Variants in PAK5 observed in about 807,000 individuals in gnomAD.
The protein encoded by PAK5 is p21 (RAC1) activated kinase 5.
PAK5 carries 16 observed loss-of-function variants against 65.9 expected under a neutral mutation model. The ratio of observed to expected loss-of-function variants is 0.24; its 90% CI spans 0.16 to 0.37. PAK5 has a LOEUF of 0.37. Among genes scored for constraint, PAK5 ranks in the 10% least tolerant of loss-of-function variants. The probability of loss-of-function intolerance (pLI) is 1.00; values close to 1 mark genes in which losing one functional copy is unlikely to be tolerated. For synonymous variants in PAK5, 371 were observed against 354.9 expected, an observed-to-expected ratio of 1.05 and a Z score of -0.51; for missense variants, 785 against 903.9, an observed-to-expected ratio of 0.87 and a Z score of 1.69.
intron 1 of PAK5, among the ~76,000 whole-genome samples, chr20:9,813,036 G>T (rs897772064): frequency 4.6e-5 from 7 of 152,040 alleles, no homozygotes; most frequent in African/African-American, 1.7e-4. Flanking sequence ...CCATACAATG[G>T]AATGCCACTC....
chr20:9,641,634 GC>G (rs1363330729), intron 3 of PAK5, among the ~76,000 whole-genome samples: 11 of 152,144 alleles, frequency 7.2e-5, no homozygotes, highest in African/African-American at 2.6e-4. Context: ...GCGCTGTGGA[GC>G]AGGGGGTGGT....
chr20:9,818,939 C>T (rs1268527195), intron 1 of PAK5, among the ~76,000 whole-genome samples: 1 of 152,098 alleles, frequency 6.6e-6, no homozygotes, highest in East Asian at 1.9e-4. Flanking sequence ...AGTTACTTTC[C>T]AATTTGTCTT....
At chr20:9,786,978 G>A (rs2048999514) in intron 1 of PAK5, among the ~76,000 whole-genome samples, 1 of 152,128 alleles carries the variant, frequency 6.6e-6, no homozygotes, top group Non-Finnish European at 1.5e-5. Flanking sequence ...ACTTGCAAGG[G>A]ATAAATTTAA....
chr20:9,801,970 T>C (rs910957120), intron 1 of PAK5, among the ~76,000 whole-genome samples: 15 of 152,158 alleles, frequency 9.9e-5, no homozygotes, highest in African/African-American at 2.7e-4. Context: ...AAATGCTTTA[T>C]GGTGCTGGCC....
At chr20:9,735,837 C>A (rs2048382589) in intron 1 of PAK5, among the ~76,000 whole-genome samples, 1 of 151,690 alleles carries the variant, frequency 6.6e-6, no homozygotes, top group Middle Eastern at 3.4e-3. Context: ...ACCAGCCCAG[C>A]CAACATGACA....
chr20:9,553,034 T>A (rs1296116052), intron 7 of PAK5, among the ~76,000 whole-genome samples: 1 of 152,122 alleles, frequency 6.6e-6, no homozygotes, highest in Non-Finnish European at 1.5e-5. Context: ...GCCAACTTTT[T>A]AATTTTTAAA....
intron 2 of PAK5, among the ~76,000 whole-genome samples, chr20:9,655,024 G>A (rs1037021594): frequency 6.6e-5 from 10 of 151,962 alleles, no homozygotes; most frequent in African/African-American, 1.2e-4. Flanking sequence ...CCCTGTCCAC[G>A]CCACCATCAT....
chr20:9,615,520 C>T (rs770500587), intron 3 of PAK5, among the ~76,000 whole-genome samples: 3 of 152,168 alleles, frequency 2.0e-5, no homozygotes, highest in East Asian at 1.9e-4. Flanking sequence ...TTCACAATAA[C>T]CTAAAACAGA....
chr20:9,559,635 C>A (rs150134040), intron 6 of PAK5, among the ~76,000 whole-genome samples: 1 of 152,028 alleles, frequency 6.6e-6, no homozygotes, highest in Non-Finnish European at 1.5e-5. Flanking sequence ...TGGTGGCCGG[C>A]GCTCGTAATT....
chr20:9,621,585 A>G (rs2046769865), intron 3 of PAK5, among the ~76,000 whole-genome samples: 1 of 152,222 alleles, frequency 6.6e-6, no homozygotes, highest in Non-Finnish European at 1.5e-5. Context: ...CTAAGAATGA[A>G]AAAAACTCTT....
At chr20:9,696,926 A>C (rs2047877281) in intron 2 of PAK5, among the ~76,000 whole-genome samples, 1 of 152,082 alleles carries the variant, frequency 6.6e-6, no homozygotes. Flanking sequence ...CCAGACACCT[A>C]GTAAGTTCTC....
intron 7 of PAK5, among the ~76,000 whole-genome samples, chr20:9,554,064 T>C (rs1172401418): frequency 6.6e-6 from 1 of 152,218 alleles, no homozygotes; most frequent in East Asian, 1.9e-4. Flanking sequence ...TGTGCATTTC[T>C]CAAAGGCCAA....
intron 9 of PAK5, 56 bp downstream of exon 9, chr20:9,542,530 G>A: frequency 1.5e-5 from 24 of 1,582,744 alleles, no homozygotes; most frequent in Non-Finnish European, 2.1e-5. Context: ...AAACCAGAGA[G>A]ATACAGGAAA....
At chr20:9,555,146 C>G (rs2045486785) in intron 7 of PAK5, among the ~76,000 whole-genome samples, 1 of 152,162 alleles carries the variant, frequency 6.6e-6, no homozygotes, top group East Asian at 1.9e-4. Flanking sequence ...CTTTGTTCAT[C>G]CCTAGGATTT....
intron 3 of PAK5, among the ~76,000 whole-genome samples, chr20:9,592,326 T>C (rs6056721): frequency 0.049 from 7,447 of 152,256 alleles, 562 homozygotes; most frequent in African/African-American, 0.16. Context: ...AACAAGCACA[T>C]GTACCTTAGT....
rs962644124 is a variant in PAK5 at position 9,580,644 on chromosome 20, T to C, written c.491A>G (p.His164Arg). The C allele has an allele frequency of 6.2e-7, 1 of 1,614,130 alleles. No individual in the cohort carries two copies. The highest frequency in any genetic ancestry group is 8.5e-7 in the Non-Finnish European group (1 of 1,179,994). The change falls in exon 4 of 10, where the codon CAC (histidine) becomes CGC (arginine). Residue 164 changes from histidine to arginine, a missense_variant. Coordinates refer to ENST00000353224, the MANE Select transcript of PAK5 (RefSeq NM_177990.4). Reference sequence around the variant, plus strand: ...TACGTGCCCATTTTGCTTGGCTGCGTGGCTGCCTCTATAATACGGATCCAG... The same window carrying C: ...TACGTGCCCATTTTGCTTGGCTGCGCGGCTGCCTCTATAATACGGATCCAG... ...DDLDPYYRGS[H>R]AAKQNGHVMK...
In PAK5 at chr20:9,580,933, G is replaced by T; in HGVS notation, c.205-3C>A. 1 of 1,558,520 alleles carries T rather than the reference G, an allele frequency of 6.4e-7. No individual in the cohort carries two copies. The highest frequency in any genetic ancestry group is 1.2e-5 in the South Asian group (1 of 83,462). ...GGTTTGTTTCCTCTAACGATTGTCT[G>T]GGAATAATAGAGGGAATATTGTTTA... On this transcript the variant is annotated splice_polypyrimidine_tract_variant and splice_region_variant and intron_variant, in intron 3 of 9. Transcript: ENST00000353224.
chr20:9,650,028 T>C (rs1011957390), intron 2 of PAK5, among the ~76,000 whole-genome samples: 14 of 152,192 alleles, frequency 9.2e-5, no homozygotes, highest in African/African-American at 3.4e-4. Context: ...ACTTGAATAC[T>C]AGTCCAGCCC....
intron 3 of PAK5, among the ~76,000 whole-genome samples, chr20:9,633,550 G>T (rs1047695681): frequency 6.6e-6 from 1 of 152,154 alleles, no homozygotes. Flanking sequence ...AACACCATCC[G>T]ATATTTGGTA....
Sources: gnomAD v4.1 joint callset for allele counts (sites outside exome capture counted in the v4.1 genomes callset) on GRCh38, gnomAD v4.1.1 for gene constraint, MANE v1.5 for transcripts, NCBI Gene and HGNC (gene_info 2026-07-23, HGNC 2026-07-21) for gene names.